The following CFAP251 variants were observed in gnomAD, a reference collection of about 807,000 sequenced individuals.
The protein encoded by CFAP251 is cilia- and flagella-associated protein 251.
Under a neutral mutation model 126.7 loss-of-function variants are expected in CFAP251, and 93 were observed. That is an observed-to-expected ratio of 0.73 (90% CI 0.62 to 0.87). The LOEUF is 0.87. Among genes scored for constraint, CFAP251 ranks in the 40% least tolerant of loss-of-function variants. The pLI, the probability that CFAP251 is intolerant of heterozygous loss-of-function variation, is 0.00. For synonymous variants in CFAP251, 503 were observed against 506.9 expected (o/e 0.99, Z 0.10); for missense variants, 1,287 against 1,389.2 (o/e 0.93, Z 1.17).
rs1880169275 is a variant in CFAP251, at chr12:121,921,465, G to A, written c.160G>A (p.Glu54Lys). ...TIAWRESQEE[E>K]RKTGEEEGEE... ...AGCATGGAGAGAGTCTCAGGAGGAG[G>A]AGAGGAAAACGGGCGAGGAGGAAGG... Residue 54 changes from glutamate (E) to lysine (K), a missense_variant, in exon 2 of 22, where the codon GAG (glutamate) becomes AAG (lysine). By Grantham distance (56) the Glu-to-Lys change is moderately conservative. Transcript: ENST00000288912. 4 of 1,613,854 alleles carry A rather than the reference G, an allele frequency of 2.5e-6. No homozygotes were observed. The East Asian group carries it at 6.7e-5, about 27-fold the overall frequency.
rs1293008840 is a variant in CFAP251, at chr12:121,921,638, GAC to G, written c.337_338del (p.Gln113AspfsTer3). ...EVTASMIRLE[T>X]QITDSQSITS... Reference sequence around the variant, plus strand: ...TCACAGCGTCCATGATCCGTTTGGAGACACAGATTACTGATTCCCAGTCAATC... The same window carrying G: ...TCACAGCGTCCATGATCCGTTTGGAGACAGATTACTGATTCCCAGTCAATC... On this transcript the variant is annotated frameshift_variant, in exon 2 of 22. Coordinates refer to ENST00000288912, the MANE Select transcript of CFAP251 (RefSeq NM_144668.6). LOFTEE classifies it high-confidence loss of function. The G allele has an allele frequency of 1.2e-6, 2 of 1,612,002 alleles. No individual in the cohort carries two copies. Among genetic ancestry groups the G allele is most frequent in the Admixed American group, 1.7e-5 (1 of 59,388 alleles).
intron 19 of CFAP251, among the ~76,000 whole-genome samples, chr12:121,993,651 C>T (rs1224723534): frequency 4.3e-5 from 6 of 141,052 alleles, no homozygotes; most frequent in African/African-American, 1.6e-4. Flanking sequence ...TGCCTCTGCC[C>T]GGCCGAGACC....
chr12:121,929,131 G>A (rs1466905175), intron 3 of CFAP251, among the ~76,000 whole-genome samples: 1 of 151,874 alleles, frequency 6.6e-6, no homozygotes, highest in Non-Finnish European at 1.5e-5. Flanking sequence ...GACCATCCTG[G>A]CCAACATGGT....
intron 17 of CFAP251, 152 bp downstream of exon 17, chr12:121,968,321 T>C (rs1882220344): frequency 1.5e-6 from 1 of 688,992 alleles, no homozygotes; most frequent in African/African-American, 1.8e-5. Context: ...ATTGCTCACA[T>C]TACTCTGCAG....
chr12:122,003,343 G>A (rs1433642673), intron 21 of CFAP251, among the ~76,000 whole-genome samples: 1 of 152,160 alleles, frequency 6.6e-6, no homozygotes, highest in Admixed American at 6.6e-5. Context: ...AGTCTGAGGT[G>A]GGAGGATCAC....
chr12:121,940,958 G>A (rs1881087901), intron 5 of CFAP251, among the ~76,000 whole-genome samples: 1 of 152,022 alleles, frequency 6.6e-6, no homozygotes, highest in Admixed American at 6.6e-5. Context: ...ACAAATTTTG[G>A]TCACTTTCCC....
intron 19 of CFAP251, chr12:121,997,850 C>G (rs1370070973): frequency 6.6e-6 from 1 of 151,302 alleles, no homozygotes; most frequent in Non-Finnish European, 1.5e-5. Context: ...CTCCCCAGTT[C>G]AAGCGATTCT....
chr12:121,939,365 A>G (rs947740591), intron 5 of CFAP251, among the ~76,000 whole-genome samples: 5 of 152,116 alleles, frequency 3.3e-5, no homozygotes, highest in African/African-American at 1.2e-4. Flanking sequence ...CTCAGCTGCA[A>G]GTACTGGCAC....
intron 19 of CFAP251, among the ~76,000 whole-genome samples, chr12:121,984,548 C>A (rs368745450): frequency 6.6e-6 from 1 of 152,122 alleles, no homozygotes; most frequent in Admixed American, 6.5e-5. Context: ...CCTCCTGATC[C>A]GCCTGCCTTG....
intron 10 of CFAP251, among the ~76,000 whole-genome samples, chr12:121,956,794 C>G (rs1202693519): frequency 6.6e-6 from 1 of 152,158 alleles, no homozygotes; most frequent in Non-Finnish European, 1.5e-5. Flanking sequence ...CCACACCCAG[C>G]TACACTAAAT....
intron 11 of CFAP251, among the ~76,000 whole-genome samples, 169 bp from the exon 12 acceptor site, chr12:121,958,103 G>T (rs1881791853): frequency 2.0e-5 from 3 of 152,170 alleles, no homozygotes; most frequent in Admixed American, 2.0e-4. Flanking sequence ...TTTTTCACTT[G>T]CAAATGGAGG....
At chr12:121,987,434 T>G (rs978685120) in intron 19 of CFAP251, among the ~76,000 whole-genome samples, 9 of 151,844 alleles carry the variant, frequency 5.9e-5, no homozygotes, top group African/African-American at 1.9e-4. Flanking sequence ...GGCGATAGAG[T>G]CCAGGCCTGG....
intron 19 of CFAP251, among the ~76,000 whole-genome samples, chr12:121,981,561 C>T (rs1882623554): frequency 6.6e-6 from 1 of 152,216 alleles, no homozygotes; most frequent in Admixed American, 6.5e-5. Flanking sequence ...AAGTTCCAGG[C>T]ACCCTTGCCT....
intron 21 of CFAP251, 40 bp from the exon 22 acceptor site, chr12:122,003,612 A>G: frequency 2.6e-6 from 4 of 1,515,328 alleles, no homozygotes; most frequent in East Asian, 2.3e-5. Context: ...AAACATAATC[A>G]TCATGAAGGC....
intron 17 of CFAP251, chr12:121,969,885 C>CT (rs1264334485): frequency 1.0e-6 from 1 of 985,306 alleles, no homozygotes; most frequent in Non-Finnish European, 1.2e-6. Context: ...TAGCTTTCGC[C>CT]TGGCCAGAGT....
chr12:121,993,101 C>CG (rs1344609667), intron 19 of CFAP251, among the ~76,000 whole-genome samples: 92 of 146,968 alleles, frequency 6.3e-4, no homozygotes, highest in African/African-American at 2.2e-3. Flanking sequence ...CCTCAGCCTG[C>CG]CGAGTGCCTG....
intron 17 of CFAP251, among the ~76,000 whole-genome samples, chr12:121,973,886 G>A (rs1163567511): frequency 6.6e-6 from 1 of 152,192 alleles, no homozygotes; most frequent in Non-Finnish European, 1.5e-5. Flanking sequence ...GACTTTGGAT[G>A]TGGACTTTTG....
intron 17 of CFAP251, chr12:121,971,526 G>A (rs1565918101): frequency 1.4e-6 from 1 of 702,592 alleles, no homozygotes; most frequent in Non-Finnish European, 2.6e-6. Context: ...CACTGAGTGA[G>A]TTCCATGTAT....
In CFAP251 at chr12:121,951,556, C is replaced by CCATCAGAT. The variant is rs780779561; in HGVS notation, c.1320+27_1320+34dup. ...GTGAGTATGCCTATTGCATTTTTGT[C>CCATCAGAT]CATCAGATTTTGTGGAGAATAAATA... On this transcript the variant is annotated intron_variant, in intron 9 of 21. Transcript: ENST00000288912. The CCATCAGAT allele has an allele frequency of 2.3e-5, 35 of 1,554,888 alleles. 1 individual carries two copies. Among genetic ancestry groups the CCATCAGAT allele is most frequent in the Non-Finnish European group, 3.1e-5 (35 of 1,132,856 alleles).
Sources: gnomAD v4.1 joint callset for allele counts (sites outside exome capture counted in the v4.1 genomes callset) on GRCh38, gnomAD v4.1.1 for gene constraint, MANE v1.5 for transcripts, NCBI Gene and HGNC (gene_info 2026-07-23, HGNC 2026-07-21) for gene names.